Variants in RTN4 observed in about 807,000 individuals in gnomAD.
The protein encoded by RTN4 is reticulon 4.
A neutral mutation model predicts 90.4 loss-of-function variants in RTN4; 32 were observed. That is an observed-to-expected ratio of 0.35 (90% confidence interval 0.27 to 0.48). The LOEUF is 0.48. Among genes scored for constraint, RTN4 ranks in the 20% least tolerant of loss-of-function variants. The pLI is 0.99. For synonymous variants in RTN4, 629 were observed against 552.5 expected (o/e 1.14, Z -1.94); for missense variants, 1,706 against 1,430.2 (o/e 1.19, Z -3.11).
chr2:55,124,081 T>G, the RTN4 span, among the ~76,000 whole-genome samples: 1 of 152,302 alleles, frequency 6.6e-6, no homozygotes, highest in Admixed American at 6.5e-5. Context: ...TAGACCACAG[T>G]GGAACTGCCA....
intron 1 of RTN4, among the ~76,000 whole-genome samples, chr2:55,042,046 T>C (rs1186479089): frequency 6.6e-6 from 1 of 152,054 alleles, no homozygotes; most frequent in Non-Finnish European, 1.5e-5. Context: ...AGGCAAAAGC[T>C]GTGATCAGAA....
chr2:55,066,193 T>TGTG (rs1668389176), intron 2 of RTN4, among the ~76,000 whole-genome samples: 4 of 111,048 alleles, frequency 3.6e-5, no homozygotes, highest in Non-Finnish European at 4.2e-5. Flanking sequence ...GTGTGTGTGT[T>TGTG]TGTGTGTGTG....
chr2:55,106,518 T>C (rs1667946835), intron 1 of RTN4, among the ~76,000 whole-genome samples: 2 of 152,062 alleles, frequency 1.3e-5, no homozygotes, highest in Admixed American at 6.6e-5. Context: ...TCATGTAATA[T>C]TTATTAAACT....
chr2:55,115,284 T>C (rs1433228671), upstream of RTN4, among the ~76,000 whole-genome samples: 1 of 152,234 alleles, frequency 6.6e-6, no homozygotes, highest in African/African-American at 2.4e-5. Flanking sequence ...TCTATGCCTT[T>C]TCTGGCTTCT....
intron 5 of RTN4, among the ~76,000 whole-genome samples, chr2:54,979,529 G>A (rs757861895): frequency 2.0e-5 from 3 of 152,136 alleles, no homozygotes; most frequent in African/African-American, 2.4e-5. Context: ...TTTTAAGGAA[G>A]TATTCAGTAT....
rs1023124846 is a variant in RTN4 at position 54,983,062 on chromosome 2, G to A, written c.3222-409C>T. Among the ~76,000 whole-genome samples, 5 of 150,200 alleles carry A rather than the reference G, an allele frequency of 3.3e-5. 1 individual carries two copies. The highest frequency in any genetic ancestry group is 1.2e-4 in the African/African-American group (5 of 41,082). On this transcript the variant is annotated intron_variant, in intron 4 of 8. Coordinates refer to ENST00000337526, the MANE Select transcript of RTN4 (RefSeq NM_020532.5). ...TCAGTAAATGGTAGTTATGACTATG[G>A]TTGTTTTTTTTTTTTTCTTAAAGTT...
At position 54,972,662 on chromosome 2, in the gene RTN4, A is replaced by C. The variant is rs1290561357; in HGVS notation, c.*494T>G. On this transcript the variant is annotated 3_prime_UTR_variant, in exon 9 of 9. Coordinates refer to ENST00000337526, the MANE Select transcript of RTN4 (RefSeq NM_020532.5). ...AATATAACAGTAAAAGTCACAATACACCTAGAACATACCAGAAAAGCAAGC... is the reference window on the plus strand; with the variant it reads ...AATATAACAGTAAAAGTCACAATACCCCTAGAACATACCAGAAAAGCAAGC... 1 of 153,170 alleles carries C rather than the reference A, an allele frequency of 6.5e-6. No individual in the cohort carries two copies. Among genetic ancestry groups the C allele is most frequent in the African/African-American group, 2.4e-5 (1 of 41,452 alleles). The allele number at this position is 153,170 out of a possible 1,614,324, so 9.5% of individuals were successfully genotyped here.
intron 1 of RTN4, among the ~76,000 whole-genome samples, chr2:55,090,590 A>T (rs1455747237): frequency 6.6e-6 from 1 of 152,202 alleles, no homozygotes. Context: ...AGTTTCGCCA[A>T]AATCATCTCA....
chr2:55,089,516 C>T lies in RTN4; in HGVS notation c.-213-8877G>A, dbSNP rs141616453. ...CCAGCCACTTTCCGGCATGATCTGCCAGGTAATTAACGGATTTATCAATTA... is the reference window on the plus strand; with the variant it reads ...CCAGCCACTTTCCGGCATGATCTGCTAGGTAATTAACGGATTTATCAATTA... On this transcript the variant is annotated intron_variant, in intron 1 of 3. Transcript: ENST00000427710. Among the ~76,000 whole-genome samples, 13 of 152,302 alleles carry T rather than the reference C, an allele frequency of 8.5e-5. No homozygotes were observed. In the East Asian group the frequency reaches 2.3e-3, roughly 27 times the overall value.
chr2:55,091,226 A>G (rs10179627), intron 1 of RTN4, among the ~76,000 whole-genome samples: 31,448 of 151,964 alleles, frequency 0.21, 6,928 homozygotes, highest in African/African-American at 0.56. Context: ...TGCAATCCAA[A>G]TTCCTCTCTG....
the RTN4 span, among the ~76,000 whole-genome samples, chr2:55,130,308 T>A: frequency 6.6e-6 from 1 of 152,210 alleles, no homozygotes; most frequent in Admixed American, 6.5e-5. Flanking sequence ...CACTAAACCA[T>A]ACATTTCTAT....
At chr2:55,010,905 C>A (rs1680583981) in intron 3 of RTN4, among the ~76,000 whole-genome samples, 1 of 152,150 alleles carries the variant, frequency 6.6e-6, no homozygotes, top group Non-Finnish European at 1.5e-5. Context: ...CCAACTCAAT[C>A]TTTGAATATT....
intron 2 of RTN4, among the ~76,000 whole-genome samples, chr2:55,063,877 CAA>C (rs377335159): frequency 1.4e-3 from 199 of 139,054 alleles, no homozygotes; most frequent in Non-Finnish European, 2.2e-3. Flanking sequence ...GAGACAGTCT[CAA>C]AAAAAAAAAA....
upstream of RTN4, among the ~76,000 whole-genome samples, chr2:55,115,606 G>A (rs999336141): frequency 2.0e-5 from 3 of 152,178 alleles, no homozygotes; most frequent in South Asian, 2.1e-4. Context: ...GTCCACCCCC[G>A]TCTTAAGCTA....
At chr2:55,077,234 C>T (rs532819388) in intron 2 of RTN4, among the ~76,000 whole-genome samples, 3 of 151,914 alleles carry the variant, frequency 2.0e-5, no homozygotes, top group Non-Finnish European at 2.9e-5. Context: ...AGGATGGTCT[C>T]GATCTCCTGA....
At chr2:55,065,952 G>A (rs911973422) in intron 2 of RTN4, among the ~76,000 whole-genome samples, 6 of 152,090 alleles carry the variant, frequency 3.9e-5, no homozygotes, top group African/African-American at 9.7e-5. Flanking sequence ...ATGTATATAC[G>A]CATATGGAAA....
chr2:55,019,327 G>A (rs1681261746), intron 3 of RTN4, among the ~76,000 whole-genome samples: 2 of 152,100 alleles, frequency 1.3e-5, no homozygotes, highest in Non-Finnish European at 2.9e-5. Flanking sequence ...AATCATCAAT[G>A]GTTTACTAAA....
At chr2:54,973,337 T>A in intron 8 of RTN4, 139 bp from the exon 9 acceptor site, 1 of 893,288 alleles carries the variant, frequency 1.1e-6, no homozygotes, top group Non-Finnish European at 1.7e-6. Context: ...AGCTATAATT[T>A]TGCCACCTTG....
At chr2:55,107,613 G>C (rs988807572) in intron 1 of RTN4, among the ~76,000 whole-genome samples, 5 of 152,006 alleles carry the variant, frequency 3.3e-5, no homozygotes, top group Admixed American at 3.3e-4. Flanking sequence ...GGTATTTATA[G>C]AATAAGTTCA....
Sources: allele counts gnomAD v4.1 joint callset (sites outside exome capture counted in the v4.1 genomes callset), GRCh38; gene constraint gnomAD v4.1.1; transcripts MANE v1.5; gene names NCBI Gene and HGNC (gene_info 2026-07-23, HGNC 2026-07-21).